The following ZNF273 variants were observed in gnomAD, a reference collection of about 807,000 sequenced individuals.
ZNF273 encodes zinc finger protein 9.
In ZNF273, 11 loss-of-function variants were observed where a neutral mutation model predicts 14.9. The observed-to-expected ratio is 0.74, with a 90% confidence interval of 0.46 to 1.22. The LOEUF (loss-of-function observed/expected upper bound fraction) is 1.22, where lower values mean the gene tolerates loss of function less well. Among genes scored for constraint, ZNF273 ranks in the 50% most tolerant of loss-of-function variants. The probability of loss-of-function intolerance (pLI) is 0.00; values close to 1 mark genes in which losing one functional copy is unlikely to be tolerated. For missense variants in ZNF273, 577 were observed against 660.6 expected (o/e 0.87, Z 1.39); for synonymous variants, 199 against 223.9 (o/e 0.89, Z 0.99).
chr7:64,924,176 T>A lies in ZNF273; in HGVS notation c.326-3478T>A, dbSNP rs562208350. 2.0e-5 allele frequency: 3 copies of A among 152,326 alleles called. No homozygotes were observed. The South Asian group carries it at 6.2e-4, about 32-fold the overall frequency. 9.4% of individuals were successfully genotyped at this position (152,326 alleles called of 1,614,324 possible). A position where few individuals can be genotyped will look rare whatever the true frequency, so the allele number is the denominator to read the frequency against. On this transcript the variant is annotated intron_variant, in intron 3 of 3. Transcript: ENST00000476120. The stretch of plus-strand genomic sequence containing the variant: ...ATATTGTTTTATATTGTCATTCCAT[T>A]TTTGTTATAGAAAGTAATCCATAAA...
chr7:64,906,026 G>T (rs1162595869), intron 1 of ZNF273, among the ~76,000 whole-genome samples: 1 of 151,880 alleles, frequency 6.6e-6, no homozygotes, highest in African/African-American at 2.4e-5. Flanking sequence ...GAATTTTCTC[G>T]GGTGTGTCTT....
At chr7:64,916,276 C>T (rs977153071) in intron 1 of ZNF273, among the ~76,000 whole-genome samples, 1 of 151,246 alleles carries the variant, frequency 6.6e-6, no homozygotes, top group Admixed American at 6.6e-5. Context: ...ACGTCGCTCA[C>T]GCCTGTAATC....
downstream of ZNF273, chr7:64,889,552 T>C (rs1342666575): frequency 3.0e-6 from 3 of 985,510 alleles, no homozygotes; most frequent in Non-Finnish European, 3.6e-6. This position sits in a 1 kb window ranked among gnomAD's most constrained non-coding sequence, Gnocchi z 4.2. Flanking sequence ...CTCTACGGTC[T>C]CCTCTGACCT....
upstream of ZNF273, among the ~76,000 whole-genome samples, chr7:64,900,131 T>A (rs1792604996): frequency 6.6e-6 from 1 of 151,618 alleles, no homozygotes; most frequent in African/African-American, 2.4e-5. Flanking sequence ...TTTTTTTTTT[T>A]GTTTGTTTGT....
chr7:64,889,454 T>C (rs1791826548), downstream of ZNF273: 1 of 985,826 alleles, frequency 1.0e-6, no homozygotes. The surrounding 1 kb of genome is among the most constrained non-coding windows in gnomAD (Gnocchi z 4.2). Flanking sequence ...GGCCTCACCT[T>C]TCCTGGGGCT....
At chr7:64,925,204 CTAA>C (rs1389704308) in intron 3 of ZNF273, among the ~76,000 whole-genome samples, 1 of 114,482 alleles carries the variant, frequency 8.7e-6, no homozygotes, top group African/African-American at 3.2e-5. Flanking sequence ...GAAAGTCTTA[CTAA>C]TATCATTTTA....
At chr7:64,914,428 C>T (rs559272940) in intron 1 of ZNF273, among the ~76,000 whole-genome samples, 1 of 151,888 alleles carries the variant, frequency 6.6e-6, no homozygotes, top group African/African-American at 2.4e-5. Context: ...TTGGCAACAG[C>T]CACAGTTATT....
chr7:64,922,883 T>C (rs1365449378), intron 3 of ZNF273, among the ~76,000 whole-genome samples: 2 of 151,986 alleles, frequency 1.3e-5, no homozygotes, highest in Non-Finnish European at 2.9e-5. Context: ...TGAGAATCGC[T>C]TGAGCTGAGG....
intron 1 of ZNF273, among the ~76,000 whole-genome samples, chr7:64,916,271 G>A (rs967484861): frequency 6.6e-6 from 1 of 150,740 alleles, no homozygotes; most frequent in African/African-American, 2.4e-5. Flanking sequence ...TAGGCACGTC[G>A]CTCACGCCTG....
chr7:64,888,978 C>G, downstream of ZNF273: 1 of 985,278 alleles, frequency 1.0e-6, no homozygotes, highest in Non-Finnish European at 1.2e-6. Flanking sequence ...CCGCCGTGGT[C>G]AAGGTTAATA....
upstream of ZNF273, among the ~76,000 whole-genome samples, chr7:64,901,009 T>TATTTA (rs59702872): frequency 5.0e-5 from 2 of 39,772 alleles, no homozygotes; most frequent in Non-Finnish European, 5.9e-5. Flanking sequence ...TTTATTTATT[T>TATTTA]TTTTTTTTTT....
upstream of ZNF273, among the ~76,000 whole-genome samples, chr7:64,901,739 T>TCATGTATAATA: frequency 6.6e-6 from 1 of 151,894 alleles, no homozygotes; most frequent in East Asian, 1.9e-4. Flanking sequence ...TCACATGAGG[T>TCATGTATAATA]TGGGAGTTCG....
In ZNF273 at chr7:64,917,724, T is replaced by C; in HGVS notation, c.229+17T>C. On this transcript the variant is annotated intron_variant, in intron 2 of 3. Transcript: ENST00000476120. ...TCTTCCTGGGTGAGGATAATTTTAA[T>C]ACATAATTTAAAGGTTTCACTTCTC... 1 of 1,566,974 alleles carries C rather than the reference T, an allele frequency of 6.4e-7. No homozygotes were observed. Among genetic ancestry groups the C allele is most frequent in the African/African-American group, 1.4e-5 (1 of 73,054 alleles).
rs544422858 is a variant in ZNF273 at position 64,928,588 on chromosome 7, T to A, written c.1260T>A (p.His420Gln). 6.2e-7 allele frequency: 1 copy of A among 1,613,606 alleles called. No individual in the cohort carries two copies. Among genetic ancestry groups the A allele is most frequent in the South Asian group, 1.1e-5 (1 of 91,028 alleles). ...AFKRSTTLTKHKRIYTKEKPY... is the reference protein window; with the variant it reads ...AFKRSTTLTKQKRIYTKEKPY... ...AACGGTCCACAACTCTTACTAAACA[T>A]AAGAGAATTTATACTAAAGAGAAAC... Residue 420 changes from histidine (H) to glutamine (Q), a missense_variant, in exon 4 of 4, where the codon CAT (histidine) becomes CAA (glutamine). By Grantham distance (24) the His-to-Gln change is conservative. Transcript: ENST00000476120.
At chr7:64,924,829 T>C (rs1392861828) in intron 3 of ZNF273, among the ~76,000 whole-genome samples, 1 of 151,376 alleles carries the variant, frequency 6.6e-6, no homozygotes, top group African/African-American at 2.4e-5. Flanking sequence ...AGGGGGAGTC[T>C]CATTCTGTCA....
At chr7:64,913,104 A>AT (rs941021482) in intron 1 of ZNF273, among the ~76,000 whole-genome samples, 8 of 151,954 alleles carry the variant, frequency 5.3e-5, no homozygotes, top group Non-Finnish European at 1.2e-4. Context: ...AAGTGCTGGG[A>AT]TTACAGGCCT....
intron 3 of ZNF273, among the ~76,000 whole-genome samples, chr7:64,926,043 G>A (rs968811818): frequency 6.9e-6 from 1 of 145,502 alleles, no homozygotes; most frequent in Non-Finnish European, 1.5e-5. Context: ...GATATGTAGG[G>A]CAAATGGAGT....
chr7:64,912,920 T>C (rs1793677828), intron 1 of ZNF273, among the ~76,000 whole-genome samples: 1 of 143,696 alleles, frequency 7.0e-6, no homozygotes, highest in African/African-American at 2.5e-5. Flanking sequence ...CCTCCGCCTC[T>C]TGGGTTCAAG....
chr7:64,882,632 TG>T (rs35514111), downstream of ZNF273: 1 of 152,424 alleles, frequency 6.6e-6, no homozygotes, highest in African/African-American at 2.4e-5. Context: ...CTGTCTTCTC[TG>T]GGGGGATCCT....
Sources: gnomAD v4.1 joint callset for allele counts (sites outside exome capture counted in the v4.1 genomes callset) on GRCh38, gnomAD v4.1.1 for gene constraint, Gnocchi (gnomAD v3.1) non-coding constraint, MANE v1.5 for transcripts, NCBI Gene and HGNC (gene_info 2026-07-23, HGNC 2026-07-21) for gene names.